ARHGAP20: variants seen among roughly 807,000 people sequenced by gnomAD.
ARHGAP20 encodes rho GTPase-activating protein 20.
ARHGAP20 carries 34 observed loss-of-function variants against 73.7 expected under a neutral mutation model. The observed-to-expected ratio is 0.46, with a 90% CI of 0.35 to 0.61. The LOEUF is 0.61. Ranked by LOEUF, ARHGAP20 falls within the 20% of genes least tolerant of loss-of-function variation. The pLI, the probability that ARHGAP20 is intolerant of heterozygous loss-of-function variation, is 0.00. For synonymous variants in ARHGAP20, 523 were observed against 518.2 expected (o/e 1.01, Z -0.13); for missense variants, 1,314 against 1,420.9 (o/e 0.92, Z 1.21).
chr11:110,601,981 CAA>C (rs34786190), intron 9 of ARHGAP20, among the ~76,000 whole-genome samples: 228 of 131,002 alleles, frequency 1.7e-3, no homozygotes, highest in South Asian at 4.5e-3. Flanking sequence ...GACTTTTTCT[CAA>C]AAAAAAAAAA....
chr11:110,630,517 C>A, intron 3 of ARHGAP20, 111 bp downstream of exon 3: 1 of 1,142,418 alleles, frequency 8.8e-7, no homozygotes, highest in Non-Finnish European at 1.2e-6. Flanking sequence ...TAGATATTAC[C>A]TATAGTAACA....
Position 110,592,123 on chromosome 11 carries a change from ATCT to A in ARHGAP20, c.994_996del (p.Arg332del). ...CGCCAGAAGGCCCAGTTTATGATAG[ATCT>A]TCTCCTTTTAAATGTCTTATGACCT... On this transcript the variant is annotated inframe_deletion, in exon 10 of 15. Transcript: ENST00000683387. The A allele has an allele frequency of 6.2e-7, 1 of 1,614,064 alleles. No individual in the cohort carries two copies. The highest frequency in any genetic ancestry group is 8.5e-7 in the Non-Finnish European group (1 of 1,179,962).
intron 3 of ARHGAP20, 127 bp from the exon 4 acceptor site, chr11:110,624,438 CACTCATAA>C (rs2134934604): frequency 2.9e-6 from 2 of 680,340 alleles, no homozygotes; most frequent in Non-Finnish European, 4.6e-6. Context: ...TGCATGTTCT[CACTCATAA>C]GAGTGAGAGC....
chr11:110,623,391 T>C (rs1245670758), intron 4 of ARHGAP20, among the ~76,000 whole-genome samples: 1 of 152,222 alleles, frequency 6.6e-6, no homozygotes, highest in African/African-American at 2.4e-5. Context: ...GATTGTTCAC[T>C]CTGAACTGGA....
intron 1 of ARHGAP20, among the ~76,000 whole-genome samples, chr11:110,692,240 C>T (rs546246300): frequency 6.6e-6 from 1 of 152,230 alleles, no homozygotes; most frequent in East Asian, 1.9e-4. Flanking sequence ...ATTTGTATTG[C>T]AAGGTACAGC....
intron 4 of ARHGAP20, among the ~76,000 whole-genome samples, chr11:110,617,587 C>T (rs1948511940): frequency 1.3e-5 from 2 of 152,094 alleles, no homozygotes; most frequent in Admixed American, 6.5e-5. Context: ...GCTGTGTTCC[C>T]TTGTTTGAAT....
intron 1 of ARHGAP20, among the ~76,000 whole-genome samples, chr11:110,703,856 C>T (rs1309656128): frequency 6.6e-6 from 1 of 152,070 alleles, no homozygotes; most frequent in East Asian, 1.9e-4. Context: ...TCTTACAGGG[C>T]AGGGCTCCAC....
At position 110,614,627 on chromosome 11, in the gene ARHGAP20, T is replaced by C. The variant is rs756356461; in HGVS notation, c.564A>G (p.Lys188=). Residue 188 remains lysine (K), a synonymous_variant, in exon 6 of 15, where the codon AAA becomes AAG. Coordinates refer to ENST00000683387, the MANE Select transcript of ARHGAP20 (RefSeq NM_001384657.1). ...SLLQRYINLE[K]EKDYPKSIPL... ...GAATGCTCTTCGGGTAGTCCTTTTC[T>C]TTCTCTAGATTGATGTATCTAATCA... The C allele has an allele frequency of 2.5e-6, 4 of 1,612,006 alleles. No individual in the cohort carries two copies. In the South Asian group the frequency reaches 4.4e-5, roughly 18 times the overall value.
chr11:110,603,512 G>C lies in ARHGAP20; in HGVS notation c.964+3049C>G, dbSNP rs150296938. 1.1e-4 allele frequency among the ~76,000 whole-genome samples: 16 copies of C among 152,244 alleles called. No homozygotes were observed. The East Asian group carries it at 2.3e-3, about 22-fold the overall frequency. On this transcript the variant is annotated intron_variant, in intron 9 of 14. Transcript: ENST00000683387. ...TATCAAGCTGCTTTATATACTTCTT[G>C]TGCCGTTAAAAGTTAAAACAAGAAG...
chr11:110,703,721 T>G (rs1950501808), intron 1 of ARHGAP20, among the ~76,000 whole-genome samples: 1 of 152,090 alleles, frequency 6.6e-6, no homozygotes, highest in African/African-American at 2.4e-5. Context: ...TCACTATGGG[T>G]CTTCACGTTG....
chr11:110,662,890 G>A (rs1211821950), intron 2 of ARHGAP20, among the ~76,000 whole-genome samples: 2 of 151,788 alleles, frequency 1.3e-5, no homozygotes, highest in South Asian at 2.1e-4. Flanking sequence ...GTCTGAAGTA[G>A]GAAATATACA....
In ARHGAP20 at chr11:110,579,165, CCAAA is replaced by C. The variant is rs1292569157; in HGVS notation, c.*201_*204del. The C allele has an allele frequency of 1.4e-5, 18 of 1,246,368 alleles. No homozygotes were observed. In the South Asian group the frequency reaches 4.5e-4, roughly 31 times the overall value. 77.2% of individuals were successfully genotyped at this position (1,246,368 alleles called of 1,614,324 possible). ...CCAACCTTTAATAAGAAAAAGCCTC[CCAAA>C]CACTTAGGTGACAAAATTTTTAGCA... On this transcript the variant is annotated 3_prime_UTR_variant, in exon 15 of 15. Coordinates refer to ENST00000683387, the MANE Select transcript of ARHGAP20 (RefSeq NM_001384657.1).
rs60691263 is a variant in ARHGAP20 at position 110,658,780 on chromosome 11, A to ATTGTTTTGTTTTGTTTTGTT, written c.189-27989_189-27988insAACAAAACAAAACAAAACAA. ...CCAAGTACTCAGGTTGTTGTTATTT[A>ATTGTTTTGTTTTGTTTTGTT]TTGTTTTGTTTTCATGTCTTCGGTT... On this transcript the variant is annotated intron_variant, in intron 2 of 14. Transcript: ENST00000683387. Among the ~76,000 whole-genome samples the ATTGTTTTGTTTTGTTTTGTT allele has an allele frequency of 3.5e-3, 530 of 151,254 alleles. 2 individuals are homozygous for ATTGTTTTGTTTTGTTTTGTT. The highest frequency in any genetic ancestry group is 0.012 in the African/African-American group (493 of 41,176).
chr11:110,630,115 C>G (rs147293215), intron 3 of ARHGAP20, among the ~76,000 whole-genome samples: 1 of 152,272 alleles, frequency 6.6e-6, no homozygotes, highest in African/African-American at 2.4e-5. Flanking sequence ...CCTCCAAGTG[C>G]TAAGCTTTCC....
At chr11:110,657,850 G>A (rs561519082) in intron 2 of ARHGAP20, among the ~76,000 whole-genome samples, 5 of 151,260 alleles carry the variant, frequency 3.3e-5, no homozygotes, top group Non-Finnish European at 5.9e-5. Flanking sequence ...AGCCAAGATC[G>A]TGCCACTGCA....
At position 110,710,454 on chromosome 11, in the gene ARHGAP20, GA is replaced by G. The variant is rs1335556905; in HGVS notation, c.105+1672del. Among the ~76,000 whole-genome samples, 6 of 151,784 alleles carry G rather than the reference GA, an allele frequency of 4.0e-5. No homozygotes were observed. In the East Asian group the frequency reaches 1.2e-3, roughly 29 times the overall value. On this transcript the variant is annotated intron_variant, in intron 1 of 14. Transcript: ENST00000683387. ...CCTTAGTAAAAAAAAAAGAAAAAAA[GA>G]AAAAACTGTTCAGAAAAATAAATCT...
At chr11:110,671,187 A>T (rs377666896) in intron 2 of ARHGAP20, among the ~76,000 whole-genome samples, 31 of 151,948 alleles carry the variant, frequency 2.0e-4, no homozygotes, top group Middle Eastern at 6.8e-3. Context: ...GAAATTTATT[A>T]AAAAAAATCA....
At chr11:110,586,405 G>C (rs1308751228) in intron 11 of ARHGAP20, 80 bp from the exon 12 acceptor site, 1 of 868,716 alleles carries the variant, frequency 1.2e-6, no homozygotes, top group African/African-American at 1.7e-5. Context: ...AAGACATTTT[G>C]TTGAAAAGTT....
intron 1 of ARHGAP20, among the ~76,000 whole-genome samples, chr11:110,704,303 G>A (rs1369046897): frequency 2.0e-5 from 3 of 152,118 alleles, no homozygotes; most frequent in South Asian, 2.1e-4. Flanking sequence ...GAGCAGCTGC[G>A]TTTTCCAGAT....
Sources: gnomAD v4.1 joint callset for allele counts (sites outside exome capture counted in the v4.1 genomes callset) on GRCh38, gnomAD v4.1.1 for gene constraint, MANE v1.5 for transcripts, NCBI Gene and HGNC (gene_info 2026-07-23, HGNC 2026-07-21) for gene names.